The following NUBPL variants were observed in gnomAD, a reference collection of about 807,000 sequenced individuals.
NUBPL encodes the protein NUBP iron-sulfur cluster assembly factor, mitochondrial.
In NUBPL, 31 loss-of-function variants were observed where a neutral mutation model predicts 45.7. The observed-to-expected ratio is 0.68, with a 90% CI of 0.51 to 0.92. The LOEUF (loss-of-function observed/expected upper bound fraction) is 0.92, where lower values mean the gene tolerates loss of function less well. Ranked by LOEUF, NUBPL falls within the 40% of genes least tolerant of loss-of-function variation. The pLI is 0.00. For synonymous variants in NUBPL, 144 were observed against 140.9 expected, an observed-to-expected ratio of 1.02 and a Z score of -0.15; for missense variants, 401 against 398.7, an observed-to-expected ratio of 1.01 and a Z score of -0.05.
chr14:31,595,176 T>A (rs2139541005), intron 3 of NUBPL, among the ~76,000 whole-genome samples: 1 of 152,288 alleles, frequency 6.6e-6, no homozygotes. Flanking sequence ...AACAGTATAA[T>A]TACTCTTGAA....
At chr14:31,844,598 T>C (rs1005817725) in intron 8 of NUBPL, 3 of 152,092 alleles carry the variant, frequency 2.0e-5, no homozygotes, top group African/African-American at 7.2e-5. Context: ...TATATAATTA[T>C]TGGGGGCAAC....
chr14:31,768,462 T>C (rs1394884081), intron 6 of NUBPL, among the ~76,000 whole-genome samples: 1 of 152,222 alleles, frequency 6.6e-6, no homozygotes, highest in Non-Finnish European at 1.5e-5. Flanking sequence ...AAGTGCAGCA[T>C]TGTTTGGAAC....
intron 8 of NUBPL, among the ~76,000 whole-genome samples, chr14:31,842,377 T>C (rs781400919): frequency 6.6e-5 from 10 of 152,216 alleles, no homozygotes; most frequent in Non-Finnish European, 1.5e-4. Context: ...AGAACATTTA[T>C]CCTTTAACTA....
At chr14:31,695,413 A>T (rs113376594) in intron 6 of NUBPL, among the ~76,000 whole-genome samples, 1,589 of 148,622 alleles carry the variant, frequency 0.011, 23 homozygotes, top group African/African-American at 0.037. Context: ...AACTTTTTAG[A>T]TTGGCACCAA....
At chr14:31,715,591 C>T (rs973108590) in intron 6 of NUBPL, among the ~76,000 whole-genome samples, 1 of 152,054 alleles carries the variant, frequency 6.6e-6, no homozygotes, top group South Asian at 2.1e-4. Flanking sequence ...TCTGAACATA[C>T]CTAAACATAG....
At chr14:31,680,965 A>G (rs2036819222) in intron 6 of NUBPL, among the ~76,000 whole-genome samples, 1 of 152,024 alleles carries the variant, frequency 6.6e-6, no homozygotes, top group Admixed American at 6.6e-5. Context: ...TAGTGCAGAT[A>G]TTTTGTTAGA....
chr14:31,791,567 C>T (rs1320606093), intron 7 of NUBPL, among the ~76,000 whole-genome samples: 1 of 152,164 alleles, frequency 6.6e-6, no homozygotes, highest in Non-Finnish European at 1.5e-5. Context: ...GAAGTTTACA[C>T]TCCTCAGGTT....
At chr14:31,735,800 C>T (rs1049873031) in intron 6 of NUBPL, among the ~76,000 whole-genome samples, 6 of 152,040 alleles carry the variant, frequency 3.9e-5, no homozygotes, top group African/African-American at 1.2e-4. Flanking sequence ...TGCAGTTAGT[C>T]GGGATTGCAC....
rs568296483 is a variant in NUBPL, at chr14:31,844,173, C to T, written c.694-2298C>T. On this transcript the variant is annotated intron_variant, in intron 8 of 10. Coordinates refer to ENST00000281081, the MANE Select transcript of NUBPL (RefSeq NM_025152.3). ...CTGCAAATACACACTTGTTCTATGC[C>T]TCTATGTCTTAGGGAGTCTAAGAGA... 5.9e-5 allele frequency: 9 copies of T among 152,262 alleles called. No homozygotes were observed. In the South Asian group the frequency reaches 1.4e-3, roughly 25 times the overall value. The allele number at this position is 152,262 out of a possible 1,614,324, so 9.4% of individuals were successfully genotyped here.
chr14:31,767,785 G>A (rs58974595), intron 6 of NUBPL, among the ~76,000 whole-genome samples: 225 of 152,292 alleles, frequency 1.5e-3, no homozygotes, highest in Middle Eastern at 0.014. Context: ...GCTTAGGTGG[G>A]AGAATGGCTT....
chr14:31,708,087 A>T (rs2037493172), intron 6 of NUBPL, among the ~76,000 whole-genome samples: 1 of 152,170 alleles, frequency 6.6e-6, no homozygotes, highest in African/African-American at 2.4e-5. Context: ...AGAGAGCAGG[A>T]TATAGGGGTT....
chr14:31,851,235 C>CTTTTTTTTTTTTT (rs10611566), intron 10 of NUBPL, among the ~76,000 whole-genome samples: 1 of 139,080 alleles, frequency 7.2e-6, no homozygotes, highest in Non-Finnish European at 1.6e-5. Flanking sequence ...AATAGTTTTT[C>CTTTTTTTTTTTTT]TTTTTTTTTT....
At chr14:31,734,626 A>T (rs2038125073) in intron 6 of NUBPL, among the ~76,000 whole-genome samples, 2 of 152,064 alleles carry the variant, frequency 1.3e-5, no homozygotes, top group South Asian at 4.1e-4. Context: ...CTACTTTCTC[A>T]AGGTTTATTA....
At position 31,679,008 on chromosome 14, in the gene NUBPL, A is replaced by G. The variant is rs111758261; in HGVS notation, c.513+5434A>G. Among the ~76,000 whole-genome samples the G allele has an allele frequency of 6.7e-4, 102 of 152,222 alleles. 1 individual carries two copies. The highest frequency in any genetic ancestry group is 2.1e-3 in the African/African-American group (89 of 41,548). On this transcript the variant is annotated intron_variant, in intron 6 of 10. Coordinates refer to ENST00000281081, the MANE Select transcript of NUBPL (RefSeq NM_025152.3). Reference sequence around the variant, plus strand: ...TCCCCTCTGGTTAGGGCCAGTCCATATGCTTCCTCTGTGTGCAGGCATCAG... The same window carrying G: ...TCCCCTCTGGTTAGGGCCAGTCCATGTGCTTCCTCTGTGTGCAGGCATCAG...
chr14:31,594,155 C>T (rs780090256), intron 3 of NUBPL, among the ~76,000 whole-genome samples: 1 of 152,130 alleles, frequency 6.6e-6, no homozygotes, highest in Non-Finnish European at 1.5e-5. Flanking sequence ...TGGTGGCTTA[C>T]ACCTGTAATC....
chr14:31,582,788 A>G (rs1595313798), intron 3 of NUBPL, among the ~76,000 whole-genome samples: 1 of 152,304 alleles, frequency 6.6e-6, no homozygotes, highest in East Asian at 1.9e-4. Flanking sequence ...GTAGCCTGAT[A>G]GTAGAAATTG....
intron 4 of NUBPL, among the ~76,000 whole-genome samples, chr14:31,611,648 T>TA (rs1418779052): frequency 6.6e-6 from 1 of 152,116 alleles, no homozygotes; most frequent in Non-Finnish European, 1.5e-5. Context: ...ACTGGAGGGA[T>TA]CACATTACCT....
intron 6 of NUBPL, among the ~76,000 whole-genome samples, chr14:31,753,225 T>A (rs1391855916): frequency 1.3e-5 from 2 of 152,150 alleles, no homozygotes; most frequent in African/African-American, 4.8e-5. Flanking sequence ...ACATGTAGTG[T>A]CCAGTGGCTC....
intron 4 of NUBPL, among the ~76,000 whole-genome samples, chr14:31,671,768 A>G (rs534504486): frequency 6.6e-6 from 1 of 152,230 alleles, no homozygotes; most frequent in Non-Finnish European, 1.5e-5. Context: ...TTAATGAAGG[A>G]CCACGGCTTT....
Sources: gnomAD v4.1 joint callset for allele counts (sites outside exome capture counted in the v4.1 genomes callset) on GRCh38, gnomAD v4.1.1 for gene constraint, MANE v1.5 for transcripts, NCBI Gene and HGNC (gene_info 2026-07-23, HGNC 2026-07-21) for gene names.